Variants in CSMD1 observed in about 807,000 individuals in gnomAD.
CSMD1 encodes CUB and Sushi multiple domains 1.
A neutral mutation model predicts 417.5 loss-of-function variants in CSMD1; 213 were observed. That is an observed-to-expected ratio of 0.51 (90% CI 0.46 to 0.57). The LOEUF (loss-of-function observed/expected upper bound fraction) is 0.57, where lower values mean the gene tolerates loss of function less well. Ranked by LOEUF, CSMD1 falls within the 20% of genes least tolerant of loss-of-function variation. The pLI is 0.00. For synonymous variants in CSMD1, 2,862 were observed against 1,736.8 expected, an observed-to-expected ratio of 1.65 and a Z score of -16.11; for missense variants, 6,923 against 4,529.7, an observed-to-expected ratio of 1.53 and a Z score of -15.17.
chr8:4,412,297 G>A (rs1440228731), intron 3 of CSMD1, among the ~76,000 whole-genome samples: 3 of 152,088 alleles, frequency 2.0e-5, no homozygotes, highest in African/African-American at 7.2e-5. Context: ...CATCCTCTCG[G>A]TTGCTCTCCT....
rs555433612 is a variant in CSMD1 at position 4,059,919 on chromosome 8, G to C, written c.416-27820C>G. ...AACTATTCCAATCAATAGAAAAAGA[G>C]GGAATCCTCCCTAACTCATTTCATG... On this transcript the variant is annotated intron_variant, in intron 3 of 69. Transcript: ENST00000635120. 8.3e-4 allele frequency among the ~76,000 whole-genome samples: 126 copies of C among 151,920 alleles called. 2 individuals carry two copies. The highest frequency in any genetic ancestry group is 3.0e-3 in the African/African-American group (123 of 41,410).
rs180885142 is a variant in CSMD1 at position 4,394,104 on chromosome 8, G to A, written c.415+25849C>T. On this transcript the variant is annotated intron_variant, in intron 3 of 69. Transcript: ENST00000635120. Reference sequence around the variant, plus strand: ...TCCTCAATCCTCTCAGAGCACTAACGATTAATTTTCCAGATTATCTTCTAA... The same window carrying A: ...TCCTCAATCCTCTCAGAGCACTAACAATTAATTTTCCAGATTATCTTCTAA... Among the ~76,000 whole-genome samples, 334 of 152,228 alleles carry A rather than the reference G, an allele frequency of 2.2e-3. 2 individuals are homozygous for A. Among genetic ancestry groups the A allele is most frequent in the Admixed American group, 7.6e-3 (117 of 15,296 alleles).
intron 5 of CSMD1, among the ~76,000 whole-genome samples, chr8:3,906,172 T>A (rs950777930): frequency 4.6e-5 from 7 of 152,158 alleles, no homozygotes; most frequent in Admixed American, 4.6e-4. Flanking sequence ...CCTGCATTTG[T>A]GATATGGGTT....
intron 1 of CSMD1, among the ~76,000 whole-genome samples, chr8:4,677,051 T>G (rs553568732): frequency 8.3e-5 from 12 of 145,258 alleles, no homozygotes; most frequent in South Asian, 4.3e-4. Context: ...ATTATATATA[T>G]AGAATTATAT....
intron 3 of CSMD1, among the ~76,000 whole-genome samples, chr8:4,175,926 T>G (rs111973592): frequency 0.042 from 6,377 of 152,224 alleles, 470 homozygotes; most frequent in African/African-American, 0.14. Flanking sequence ...GTGTGGTCAC[T>G]GTGCAGGTGC....
chr8:3,050,577 C>T (rs1408310295), intron 50 of CSMD1, among the ~76,000 whole-genome samples: 1 of 152,144 alleles, frequency 6.6e-6, no homozygotes, highest in East Asian at 1.9e-4. Context: ...ACTCAAAAAA[C>T]ATACCAATGT....
chr8:3,394,863 C>G, intron 17 of CSMD1, among the ~76,000 whole-genome samples: 1 of 152,026 alleles, frequency 6.6e-6, no homozygotes, highest in Middle Eastern at 3.2e-3. Flanking sequence ...AGAGTAATAA[C>G]TGAATTAAAT....
chr8:3,345,706 T>C (rs1256643093), intron 22 of CSMD1, among the ~76,000 whole-genome samples: 1 of 152,190 alleles, frequency 6.6e-6, no homozygotes, highest in African/African-American at 2.4e-5. Flanking sequence ...CAAACCCTCC[T>C]CAGAGTTCAG....
intron 10 of CSMD1, among the ~76,000 whole-genome samples, chr8:3,572,720 A>G (rs1024980779): frequency 6.6e-6 from 1 of 152,182 alleles, no homozygotes; most frequent in Non-Finnish European, 1.5e-5. Flanking sequence ...TCTCGATCAC[A>G]TCTCAATCCC....
At chr8:3,466,438 C>G (rs1193508866) in intron 12 of CSMD1, among the ~76,000 whole-genome samples, 1 of 151,858 alleles carries the variant, frequency 6.6e-6, no homozygotes, top group Non-Finnish European at 1.5e-5. Flanking sequence ...AAGATGGAGT[C>G]TCACTCTGTT....
chr8:3,381,519 T>A (rs1810624469), intron 18 of CSMD1, among the ~76,000 whole-genome samples: 1 of 152,154 alleles, frequency 6.6e-6, no homozygotes, highest in African/African-American at 2.4e-5. Flanking sequence ...AACTTGAATA[T>A]TTTAAGGGTT....
At chr8:3,116,244 T>C (rs1304198089) in intron 42 of CSMD1, among the ~76,000 whole-genome samples, 1 of 152,244 alleles carries the variant, frequency 6.6e-6, no homozygotes, top group Non-Finnish European at 1.5e-5. Flanking sequence ...TCAATATTTA[T>C]GATAAACTTT....
chr8:4,423,030 A>T (rs558030457), intron 2 of CSMD1, among the ~76,000 whole-genome samples: 1 of 152,184 alleles, frequency 6.6e-6, no homozygotes, highest in South Asian at 2.1e-4. Context: ...ATCTTCTCCA[A>T]CTTGACAAAG....
chr8:4,080,763 A>G (rs1025356378), intron 3 of CSMD1, among the ~76,000 whole-genome samples: 4 of 152,196 alleles, frequency 2.6e-5, no homozygotes, highest in African/African-American at 9.6e-5. Context: ...TAAGGTGAAT[A>G]AGACTGGGCT....
At chr8:4,929,622 C>G (rs901005271) in intron 1 of CSMD1, among the ~76,000 whole-genome samples, 1 of 152,172 alleles carries the variant, frequency 6.6e-6, no homozygotes, top group African/African-American at 2.4e-5. Flanking sequence ...CATCATTTGT[C>G]ACCATTTTCA....
At chr8:4,092,655 A>G (rs1165488218) in intron 3 of CSMD1, among the ~76,000 whole-genome samples, 1 of 152,194 alleles carries the variant, frequency 6.6e-6, no homozygotes, top group Non-Finnish European at 1.5e-5. Flanking sequence ...AATCATTTCC[A>G]AACAGAATTC....
intron 10 of CSMD1, among the ~76,000 whole-genome samples, chr8:3,560,447 T>C (rs1353172361): frequency 6.6e-6 from 1 of 152,134 alleles, no homozygotes; most frequent in East Asian, 1.9e-4. Flanking sequence ...CAAGATGGGA[T>C]CCCAGGTCTG....
At chr8:4,059,892 G>C (rs1380766182) in intron 3 of CSMD1, among the ~76,000 whole-genome samples, 1 of 151,444 alleles carries the variant, frequency 6.6e-6, no homozygotes, top group East Asian at 1.9e-4. Context: ...CATTCCTTCT[G>C]AAACTATTCC....
intron 1 of CSMD1, among the ~76,000 whole-genome samples, chr8:4,794,929 G>A (rs1237836885): frequency 6.6e-6 from 1 of 151,978 alleles, no homozygotes; most frequent in African/African-American, 2.4e-5. Flanking sequence ...TTAGAACGCT[G>A]GGAAGGGAGT....
Sources: allele counts gnomAD v4.1 joint callset (sites outside exome capture counted in the v4.1 genomes callset), GRCh38; gene constraint gnomAD v4.1.1; transcripts MANE v1.5; gene names NCBI Gene and HGNC (gene_info 2026-07-23, HGNC 2026-07-21).